The following BAAT variants were observed in gnomAD, a reference collection of about 807,000 sequenced individuals.
BAAT encodes the protein bile acid-CoA:amino acid N-acyltransferase.
BAAT carries 13 observed loss-of-function variants against 18.9 expected under a neutral mutation model. That is an observed-to-expected ratio of 0.69 (90% CI 0.45 to 1.10). BAAT has a LOEUF of 1.10. BAAT is among the 50% of genes least tolerant of loss of function. The pLI, the probability that BAAT is intolerant of heterozygous loss-of-function variation, is 0.00. For synonymous variants in BAAT, 170 were observed against 190.7 expected (o/e 0.89, Z 0.89); for missense variants, 489 against 504.0 (o/e 0.97, Z 0.28).
In BAAT at chr9:101,371,220, T is replaced by C. The variant is rs1234912696; in HGVS notation, c.185A>G (p.His62Arg). Residue 62 changes from histidine (H) to arginine (R), a missense_variant, in exon 2 of 4, where the codon CAT becomes CGT. By Grantham distance (29) the His-to-Arg change is conservative. Coordinates refer to ENST00000259407, the MANE Select transcript of BAAT (RefSeq NM_001701.4). The part of the protein sequence containing the change: ...ANEFGEVDLN[H>R]ASSLGGDYMG... Reference sequence around the variant, plus strand: ...ATAATCCCCTCCAAGTGAAGAAGCATGATTCAGGTCCACCTCACCGAATTC... The same window carrying C: ...ATAATCCCCTCCAAGTGAAGAAGCACGATTCAGGTCCACCTCACCGAATTC... The C allele has an allele frequency of 1.9e-6, 3 of 1,613,892 alleles. No homozygotes were observed. The highest frequency in any genetic ancestry group is 2.5e-6 in the Non-Finnish European group (3 of 1,179,810).
intron 3 of BAAT, among the ~76,000 whole-genome samples, chr9:101,364,538 G>C (rs1052467629): frequency 6.6e-6 from 1 of 152,168 alleles, no homozygotes; most frequent in Non-Finnish European, 1.5e-5. Context: ...ACTTTTCTGA[G>C]AAATGTAGCC....
At chr9:101,363,045 T>C in intron 3 of BAAT, 30 bp from the exon 4 acceptor site, 1 of 1,591,654 alleles carries the variant, frequency 6.3e-7, no homozygotes. Context: ...TGAGAAATTA[T>C]TCTAGCCTTC....
chr9:101,380,305 C>T (rs1348925662), intron 1 of BAAT, among the ~76,000 whole-genome samples: 1 of 152,194 alleles, frequency 6.6e-6, no homozygotes, highest in African/African-American at 2.4e-5. Context: ...ATATCCTTTC[C>T]CTATGGTATA....
chr9:101,379,671 A>G (rs1830101216), intron 1 of BAAT, among the ~76,000 whole-genome samples: 1 of 152,184 alleles, frequency 6.6e-6, no homozygotes, highest in African/African-American at 2.4e-5. Context: ...AGTCTTAACC[A>G]TTGTTTTTAT....
chr9:101,368,259 C>G lies in BAAT; in HGVS notation c.530G>C (p.Arg177Pro). Residue 177 changes from arginine (R) to proline (P), a missense_variant, in exon 3 of 4, where the codon CGG (arginine) becomes CCG (proline). Physicochemically the swap from Arg to Pro is moderately radical, Grantham distance 103. Transcript: ENST00000259407. ...GCCACGACTGGCTAGGAGGCTGGCCCGAAATTCAAGCAGCCCACCCAAACC... is the reference window on the plus strand; with the variant it reads ...GCCACGACTGGCTAGGAGGCTGGCCGGAAATTCAAGCAGCCCACCCAAACC... The part of the protein sequence containing the change: ...FGGLGGLLEF[R>P]ASLLASRGFA... 1 of 1,613,534 alleles carries G rather than the reference C, an allele frequency of 6.2e-7. No individual in the cohort carries two copies. The highest frequency in any genetic ancestry group is 1.1e-5 in the South Asian group (1 of 91,062).
intron 2 of BAAT, among the ~76,000 whole-genome samples, chr9:101,370,026 T>C (rs1829903742): frequency 6.6e-6 from 1 of 152,180 alleles, no homozygotes; most frequent in African/African-American, 2.4e-5. Flanking sequence ...GTTTCTTGCA[T>C]CCTCTATATT....
At chr9:101,373,147 T>C (rs1235488838) in intron 1 of BAAT, among the ~76,000 whole-genome samples, 1 of 152,172 alleles carries the variant, frequency 6.6e-6, no homozygotes, top group Non-Finnish European at 1.5e-5. Context: ...CTTGCTCAGC[T>C]GCTTTTCCTT....
rs769457055 is a variant in BAAT at position 101,362,510 on chromosome 9, G to A, written c.1175C>T (p.Ala392Val). Reference protein sequence around the residue: ...LHWGGEVIPHAAAQEHAWKEI... With the variant: ...LHWGGEVIPHVAAQEHAWKEI... The stretch of plus-strand genomic sequence containing the variant: ...CTTCCAAGCATGTTCCTGTGCAGCT[G>A]CGTGTGGGATCACCTCTCCTCCCCA... Residue 392 changes from alanine (A) to valine (V), a missense_variant, in exon 4 of 4, where the codon GCA becomes GTA. By Grantham distance (64) the Ala-to-Val change is moderately conservative (BLOSUM62 0). Coordinates refer to ENST00000259407, the MANE Select transcript of BAAT (RefSeq NM_001701.4). 4 of 1,614,110 alleles carry A rather than the reference G, an allele frequency of 2.5e-6. No homozygotes were observed. Among genetic ancestry groups the A allele is most frequent in the Admixed American group, 1.7e-5 (1 of 60,002 alleles).
intron 1 of BAAT, chr9:101,376,492 T>C (rs1830049178): frequency 6.5e-6 from 1 of 153,024 alleles, no homozygotes; most frequent in East Asian, 1.9e-4. Flanking sequence ...TTTAGTTTGA[T>C]GATATCATCC....
rs768441326 is a variant in BAAT at position 101,362,817 on chromosome 9, AG to A, written c.867del (p.Leu290TrpfsTer4). Reference sequence around the variant, plus strand: ...GTGCGATAGAGCTCTAGTAACCCCAAGGCATTGGTGGATATTAATTGTGCAG... The same window carrying A: ...GTGCGATAGAGCTCTAGTAACCCCAAGCATTGGTGGATATTAATTGTGCAG... ...PHSAQLISTN[A>X]LGLLELYRTF... On this transcript the variant is annotated frameshift_variant, in exon 4 of 4. Coordinates refer to ENST00000259407, the MANE Select transcript of BAAT (RefSeq NM_001701.4). LOFTEE classifies it low-confidence loss of function (END_TRUNC). 1 of 1,614,170 alleles carries A rather than the reference AG, an allele frequency of 6.2e-7. No individual in the cohort carries two copies. Among genetic ancestry groups the A allele is most frequent in the Non-Finnish European group, 8.5e-7 (1 of 1,180,010 alleles).
Position 101,370,969 on chromosome 9 carries a change from G to T in BAAT, c.436C>A (p.Arg146Ser). ...GGGAGAAAGAGAGCTCCTCGAAGGC[G>T]GCCTTCTCGAACCTTAATTCGTGTG... Reference protein sequence around the residue: ...GVTRIKVREGRLRGALFLPPG... With the variant: ...GVTRIKVREGSLRGALFLPPG... Residue 146 changes from arginine (R) to serine (S), a missense_variant, in exon 2 of 4, where the codon CGC becomes AGC. Physicochemically the swap from Arg to Ser is moderately radical, Grantham distance 110. Coordinates refer to ENST00000259407, the MANE Select transcript of BAAT (RefSeq NM_001701.4). 6.2e-7 allele frequency: 1 copy of T among 1,614,012 alleles called. No individual in the cohort carries two copies. The highest frequency in any genetic ancestry group is 8.5e-7 in the Non-Finnish European group (1 of 1,179,990).
At chr9:101,381,255 C>T (rs1438676959) in intron 1 of BAAT, among the ~76,000 whole-genome samples, 1 of 151,942 alleles carries the variant, frequency 6.6e-6, no homozygotes, top group Admixed American at 6.6e-5. Flanking sequence ...GGCGTGGTGA[C>T]TCATGCCTGT....
chr9:101,378,500 C>T (rs528539189), intron 1 of BAAT, among the ~76,000 whole-genome samples: 8 of 152,170 alleles, frequency 5.3e-5, no homozygotes, highest in East Asian at 3.9e-4. Context: ...ATTTAATAAA[C>T]GGTCCTGGGA....
At chr9:101,374,764 A>G (rs751950692) in intron 1 of BAAT, among the ~76,000 whole-genome samples, 5 of 152,138 alleles carry the variant, frequency 3.3e-5, no homozygotes, top group Non-Finnish European at 5.9e-5. Flanking sequence ...GTTCTGTCTG[A>G]GCCAACAATG....
intron 3 of BAAT, among the ~76,000 whole-genome samples, chr9:101,366,071 G>A (rs1033629541): frequency 1.3e-5 from 2 of 152,008 alleles, no homozygotes; most frequent in Admixed American, 6.6e-5. Context: ...CAGATCACCA[G>A]ATCTTAGTCT....
At chr9:101,369,884 G>A (rs1326574418) in intron 2 of BAAT, among the ~76,000 whole-genome samples, 1 of 151,970 alleles carries the variant, frequency 6.6e-6, no homozygotes, top group Non-Finnish European at 1.5e-5. Context: ...CTTATTTATT[G>A]GTATTTGGAG....
intron 1 of BAAT, among the ~76,000 whole-genome samples, chr9:101,375,160 C>T (rs1482066609): frequency 6.6e-6 from 1 of 152,168 alleles, no homozygotes; most frequent in Non-Finnish European, 1.5e-5. Flanking sequence ...TGGTTTTATA[C>T]ATGGGAGTTC....
In BAAT at chr9:101,371,062, T is replaced by C. The variant is rs1829931157; in HGVS notation, c.343A>G (p.Asn115Asp). The part of the protein sequence containing the change: ...VKLYDLELIV[N>D]NKVASAPKAS... ...TTTGGAGCACTGGCAACTTTATTGT[T>C]CACTATTAACTCTAAGTCATAAAGT... Residue 115 changes from asparagine (N) to aspartate (D), a missense_variant, in exon 2 of 4, where the codon AAC (asparagine) becomes GAC (aspartate). Transcript: ENST00000259407. 1 of 1,614,086 alleles carries C rather than the reference T, an allele frequency of 6.2e-7. No homozygotes were observed. Among genetic ancestry groups the C allele is most frequent in the Non-Finnish European group, 8.5e-7 (1 of 1,179,998 alleles).
At chr9:101,382,756 C>T (rs1249504244) in intron 1 of BAAT, among the ~76,000 whole-genome samples, 1 of 152,156 alleles carries the variant, frequency 6.6e-6, no homozygotes, top group East Asian at 1.9e-4. Context: ...ATATTCACCA[C>T]CCCTAACAAT....
Sources: allele counts gnomAD v4.1 joint callset (sites outside exome capture counted in the v4.1 genomes callset), GRCh38; gene constraint gnomAD v4.1.1; transcripts MANE v1.5; gene names NCBI Gene and HGNC (gene_info 2026-07-23, HGNC 2026-07-21).